ESR1: variants seen among roughly 807,000 people sequenced by gnomAD.
The protein encoded by ESR1 is estrogen receptor 1.
ESR1 carries 12 observed loss-of-function variants against 52.7 expected under a neutral mutation model. That is an observed-to-expected ratio of 0.23 (90% CI 0.15 to 0.37). ESR1 has a LOEUF of 0.37. Ranked by LOEUF, ESR1 falls within the 10% of genes least tolerant of loss-of-function variation. The pLI, the probability that ESR1 is intolerant of heterozygous loss-of-function variation, is 1.00. For synonymous variants in ESR1, 305 were observed against 316.8 expected, an observed-to-expected ratio of 0.96 and a Z score of 0.39; for missense variants, 584 against 779.7, an observed-to-expected ratio of 0.75 and a Z score of 2.99.
chr6:152,035,269 A>G (rs572228209), intron 5 of ESR1, among the ~76,000 whole-genome samples: 3 of 151,592 alleles, frequency 2.0e-5, no homozygotes, highest in Admixed American at 6.6e-5. Flanking sequence ...AACCACAAAT[A>G]CAAAACATAA....
chr6:151,958,581 T>G (rs1300881532), intron 4 of ESR1, among the ~76,000 whole-genome samples: 5 of 152,210 alleles, frequency 3.3e-5, no homozygotes, highest in Non-Finnish European at 7.3e-5. Context: ...ATCTTGTGGC[T>G]TTGTGAAAAA....
chr6:151,841,979 A>G (rs955266234), intron 1 of ESR1, among the ~76,000 whole-genome samples: 1 of 152,182 alleles, frequency 6.6e-6, no homozygotes, highest in Non-Finnish European at 1.5e-5. Flanking sequence ...TTGGCCTCCC[A>G]AAGTGCTGGG....
intron 6 of ESR1, among the ~76,000 whole-genome samples, chr6:152,081,151 C>T (rs946939875): frequency 3.3e-5 from 5 of 152,138 alleles, no homozygotes; most frequent in Admixed American, 1.3e-4. Flanking sequence ...GAACTCTCCA[C>T]CCCTAATCAA....
intron 3 of ESR1, among the ~76,000 whole-genome samples, chr6:151,908,409 A>G (rs1233621196): frequency 6.6e-6 from 1 of 152,186 alleles, no homozygotes; most frequent in Non-Finnish European, 1.5e-5. Flanking sequence ...CACAAATATC[A>G]TTGAATGAGT....
chr6:151,759,874 T>C (rs1609624), intron 2 of ESR1, among the ~76,000 whole-genome samples: 100,930 of 152,112 alleles, frequency 0.66, 33,795 homozygotes, highest in African/African-American at 0.72. Context: ...ATTAGGTTGG[T>C]GCAAAAGTAA....
intron 4 of ESR1, among the ~76,000 whole-genome samples, chr6:151,968,764 A>T (rs949067728): frequency 6.6e-6 from 1 of 152,074 alleles, no homozygotes; most frequent in African/African-American, 2.4e-5. Context: ...GGGTCAGTGG[A>T]TGGAGCATTT....
chr6:151,694,333 G>C lies in ESR1; in HGVS notation c.-202+3669G>C, dbSNP rs78495386. Among the ~76,000 whole-genome samples the C allele has an allele frequency of 2.9e-3, 436 of 152,304 alleles. 5 individuals are homozygous for C. Among genetic ancestry groups the C allele is most frequent in the East Asian group, 0.019 (96 of 5,188 alleles). On this transcript the variant is annotated intron_variant, in intron 1 of 2. Coordinates refer to the ESR1 transcript ENST00000404742. ...CCTTGGGAAAGCAGGTTAAGCATCT[G>C]GGGTTGATGGGAGATAACATTACAC...
chr6:152,025,590 G>T (rs76058053), intron 5 of ESR1, among the ~76,000 whole-genome samples: 6 of 151,868 alleles, frequency 4.0e-5, no homozygotes, highest in African/African-American at 7.2e-5. Context: ...TACTTTGACC[G>T]TATAATTTAT....
chr6:152,092,266 C>G (rs1562777778), intron 6 of ESR1, among the ~76,000 whole-genome samples: 1 of 152,240 alleles, frequency 6.6e-6, no homozygotes, highest in African/African-American at 2.4e-5. Context: ...GTGCTGTTTG[C>G]TTTAGATCAA....
chr6:151,975,072 C>A (rs2039306692), intron 4 of ESR1, among the ~76,000 whole-genome samples: 1 of 151,866 alleles, frequency 6.6e-6, no homozygotes, highest in Non-Finnish European at 1.5e-5. Context: ...CTGTACAATT[C>A]AAATTTATGA....
In ESR1 at chr6:151,857,017, A is replaced by C. The variant is rs182279301; in HGVS notation, c.643+14230A>C. On this transcript the variant is annotated intron_variant, in intron 2 of 7. Coordinates refer to ENST00000206249, the MANE Select transcript of ESR1 (RefSeq NM_000125.4). ...GTTTCTGAATATAAGGCAAGATAAA[A>C]AGTTTGATTCAAGAGTTTCTTGTAA... Among the ~76,000 whole-genome samples the C allele has an allele frequency of 4.1e-4, 63 of 152,282 alleles. No individual in the cohort carries two copies. In the East Asian group the frequency reaches 0.012, roughly 29 times the overall value.
intron 3 of ESR1, among the ~76,000 whole-genome samples, chr6:151,904,810 G>A (rs1486835480): frequency 3.3e-5 from 5 of 152,022 alleles, no homozygotes; most frequent in African/African-American, 9.7e-5. Flanking sequence ...TTCGTTTCAC[G>A]TGGATGTATC....
intron 2 of ESR1, among the ~76,000 whole-genome samples, chr6:151,783,012 T>G (rs1786695646): frequency 6.6e-6 from 1 of 152,244 alleles, no homozygotes; most frequent in Non-Finnish European, 1.5e-5. Context: ...TATCTTAGAT[T>G]AATTCCTCAA....
intron 6 of ESR1, among the ~76,000 whole-genome samples, chr6:152,071,780 A>C (rs1312528977): frequency 6.6e-6 from 1 of 152,212 alleles, no homozygotes; most frequent in Non-Finnish European, 1.5e-5. Flanking sequence ...TAAACACGTA[A>C]GTGATTTCTC....
At chr6:151,664,741 T>C (rs570846804) in intron 1 of ESR1, among the ~76,000 whole-genome samples, 1 of 152,348 alleles carries the variant, frequency 6.6e-6, no homozygotes, top group East Asian at 1.9e-4. Context: ...ACTTTTTTCT[T>C]TTTCACACTA....
At chr6:151,837,170 G>A (rs995528517) in intron 1 of ESR1, among the ~76,000 whole-genome samples, 7 of 142,774 alleles carry the variant, frequency 4.9e-5, no homozygotes, top group Non-Finnish European at 7.5e-5. Context: ...GCACGATCTA[G>A]GCTCACTGCA....
At chr6:151,708,469 G>A (rs1582964249) in intron 2 of ESR1, among the ~76,000 whole-genome samples, 2 of 152,014 alleles carry the variant, frequency 1.3e-5, no homozygotes, top group South Asian at 4.2e-4. Context: ...AAAGGTATGT[G>A]TATTTTTACA....
intron 6 of ESR1, among the ~76,000 whole-genome samples, chr6:152,093,565 C>T (rs1394718725): frequency 3.3e-5 from 5 of 152,158 alleles, no homozygotes; most frequent in Non-Finnish European, 5.9e-5. Context: ...TGGCTTGAGG[C>T]TGTCCAGAGG....
intron 2 of ESR1, among the ~76,000 whole-genome samples, chr6:151,773,239 A>G (rs1381593794): frequency 6.6e-6 from 1 of 152,182 alleles, no homozygotes; most frequent in Admixed American, 6.5e-5. Flanking sequence ...AAGCCAACGA[A>G]CCCCAAAGAT....
Sources: allele counts gnomAD v4.1 joint callset (sites outside exome capture counted in the v4.1 genomes callset), GRCh38; gene constraint gnomAD v4.1.1; transcripts MANE v1.5; gene names NCBI Gene and HGNC (gene_info 2026-07-23, HGNC 2026-07-21).